Variants in TXNL1 observed in about 807,000 individuals in gnomAD.
TXNL1 encodes thioredoxin-like protein 1.
A neutral mutation model predicts 35.5 loss-of-function variants in TXNL1; 14 were observed. That is an observed-to-expected ratio of 0.39 (90% CI 0.26 to 0.62). The LOEUF is 0.62. Ranked by LOEUF, TXNL1 falls within the 20% of genes least tolerant of loss-of-function variation. TXNL1 has a pLI of 0.47. For synonymous variants in TXNL1, 110 were observed against 115.5 expected, an observed-to-expected ratio of 0.95 and a Z score of 0.31; for missense variants, 263 against 349.7, an observed-to-expected ratio of 0.75 and a Z score of 1.98.
intron 1 of TXNL1, among the ~76,000 whole-genome samples, chr18:56,631,229 G>C (rs921508564): frequency 1.2e-4 from 19 of 152,130 alleles, no homozygotes; most frequent in Non-Finnish European, 2.4e-4. Flanking sequence ...GAGCAGTTGA[G>C]AGTAAACAAA....
At chr18:56,633,386 G>A (rs1640720) in intron 1 of TXNL1, among the ~76,000 whole-genome samples, 14,453 of 147,292 alleles carry the variant, frequency 0.098, 825 homozygotes, top group Non-Finnish European at 0.13. Flanking sequence ...GGTGGAGCTT[G>A]CAGTGAGCTG....
Position 56,598,255 on chromosome 18 carries a change from G to A in TXNL1, c.*4772C>T, listed in dbSNP as rs2023767807. On this transcript the variant is annotated 3_prime_UTR_variant, in exon 8 of 8. Transcript: ENST00000217515. ...CCAAATAAACTGGCTTAATACTAGA[G>A]ACAAAATACTTGTATTACAGCTCAC... 1 of 152,028 alleles carries A rather than the reference G, an allele frequency of 6.6e-6. No homozygotes were observed. Among genetic ancestry groups the A allele is most frequent in the Non-Finnish European group, 1.5e-5 (1 of 68,012 alleles). The allele number at this position is 152,028 out of a possible 1,614,324, so 9.4% of individuals were successfully genotyped here. A position where few individuals can be genotyped will look rare whatever the true frequency, so the allele number is the denominator to read the frequency against.
At chr18:56,630,398 G>A (rs2024352436) in intron 1 of TXNL1, among the ~76,000 whole-genome samples, 1 of 152,182 alleles carries the variant, frequency 6.6e-6, no homozygotes, top group Non-Finnish European at 1.5e-5. Flanking sequence ...GGAAGGGACA[G>A]GAGAAAATGC....
In TXNL1 at chr18:56,602,880, G is replaced by A. The variant is rs77471888; in HGVS notation, c.*147C>T. ...AATTGCATGTGTCAAGATTACAATG[G>A]AAACACTAGTGATACCATCTGAACA... On this transcript the variant is annotated 3_prime_UTR_variant, in exon 8 of 8. Coordinates refer to ENST00000217515, the MANE Select transcript of TXNL1 (RefSeq NM_004786.3). The A allele has an allele frequency of 0.01, 8,954 of 865,722 alleles. 90 individuals are homozygous for A. Among genetic ancestry groups the A allele is most frequent in the South Asian group, 0.016 (1,015 of 64,096 alleles). The allele number at this position is 865,722 out of a possible 1,614,324, so 53.6% of individuals were successfully genotyped here.
At position 56,618,199 on chromosome 18, in the gene TXNL1, C is replaced by G; in HGVS notation, c.370-73G>C. 3 of 1,485,484 alleles carry G rather than the reference C, an allele frequency of 2.0e-6. No homozygotes were observed. The South Asian group carries it at 3.7e-5, about 18-fold the overall frequency. The allele number at this position is 1,485,484 out of a possible 1,614,324, so 92.0% of individuals were successfully genotyped here. Reference sequence around the variant, plus strand: ...AAAAATGTTTAAAAAATTTAAATCTCTGATTCTCTTTAGGCAATTTTAAAG... The same window carrying G: ...AAAAATGTTTAAAAAATTTAAATCTGTGATTCTCTTTAGGCAATTTTAAAG... On this transcript the variant is annotated intron_variant, in intron 3 of 7. Coordinates refer to ENST00000217515, the MANE Select transcript of TXNL1 (RefSeq NM_004786.3).
At chr18:56,624,858 G>T (rs189230340) in intron 2 of TXNL1, among the ~76,000 whole-genome samples, 49 of 152,238 alleles carry the variant, frequency 3.2e-4, no homozygotes, top group African/African-American at 1.1e-3. Flanking sequence ...AAAAGTGCAG[G>T]TCTGAAAACC....
intron 3 of TXNL1, among the ~76,000 whole-genome samples, chr18:56,618,875 G>T (rs999998604): frequency 6.6e-6 from 1 of 151,780 alleles, no homozygotes; most frequent in Non-Finnish European, 1.5e-5. Flanking sequence ...ATTGTTACAC[G>T]CAGAATAAAG....
At chr18:56,614,390 C>T (rs2024048290) in intron 6 of TXNL1, 34 bp downstream of exon 6, 1 of 1,572,684 alleles carries the variant, frequency 6.4e-7, no homozygotes, top group African/African-American at 1.4e-5. Flanking sequence ...TACTCACAAA[C>T]CTATTAAATA....
intron 1 of TXNL1, among the ~76,000 whole-genome samples, chr18:56,631,659 C>G (rs1266937048): frequency 6.6e-6 from 1 of 152,168 alleles, no homozygotes; most frequent in Non-Finnish European, 1.5e-5. Flanking sequence ...TGGCTCACGC[C>G]TGTAATCCCA....
chr18:56,609,446 A>G (rs951611287), intron 7 of TXNL1: 6 of 152,212 alleles, frequency 3.9e-5, no homozygotes, highest in African/African-American at 1.4e-4. Flanking sequence ...ATTCATGCAA[A>G]TTAGAGAAAC....
At chr18:56,608,713 T>A (rs776343200) in intron 7 of TXNL1, 2 of 152,152 alleles carry the variant, frequency 1.3e-5, no homozygotes, top group Non-Finnish European at 2.9e-5. Flanking sequence ...GAAGCAGATA[T>A]GAGAAGGAAA....
Position 56,602,896 on chromosome 18 carries a change from C to A in TXNL1, c.*131G>T. 1.0e-6 allele frequency: 1 copy of A among 978,452 alleles called. No individual in the cohort carries two copies. The highest frequency in any genetic ancestry group is 1.4e-5 in the South Asian group (1 of 71,490). The allele number at this position is 978,452 out of a possible 1,614,324, so 60.6% of individuals were successfully genotyped here. On this transcript the variant is annotated 3_prime_UTR_variant, in exon 8 of 8. Transcript: ENST00000217515. ...ATTACAATGGAAACACTAGTGATACCATCTGAACAAAAGCAATGATTTATT... is the reference window on the plus strand; with the variant it reads ...ATTACAATGGAAACACTAGTGATACAATCTGAACAAAAGCAATGATTTATT...
intron 7 of TXNL1, chr18:56,605,286 G>A (rs980097090): frequency 6.6e-6 from 1 of 152,168 alleles, no homozygotes; most frequent in Non-Finnish European, 1.5e-5. Flanking sequence ...GATGAGCAGA[G>A]AAGCAAGGAG....
chr18:56,605,395 AACAG>A (rs1381565212), intron 7 of TXNL1: 2 of 152,138 alleles, frequency 1.3e-5, no homozygotes, highest in African/African-American at 2.4e-5. Context: ...CTGAAAAATA[AACAG>A]ACAGAAATGT....
rs386387792 is a variant in TXNL1, at chr18:56,626,797, C to CTTTTTTTTTTTTTTTTTTTTT, written c.99-361_99-341dup. Reference sequence around the variant, plus strand: ...TACAGGCGTGAGCCACCAAGCCGGTCTTTTTTTTTTTTTTTTTTTTTTTTG... The same window carrying CTTTTTTTTTTTTTTTTTTTTT: ...TACAGGCGTGAGCCACCAAGCCGGTCTTTTTTTTTTTTTTTTTTTTTTTTTTTTTTTTTTTTTTTTTTTTTG... On this transcript the variant is annotated intron_variant, in intron 1 of 7. Transcript: ENST00000217515. Among the ~76,000 whole-genome samples, 7 of 55,010 alleles carry CTTTTTTTTTTTTTTTTTTTTT rather than the reference C, an allele frequency of 1.3e-4. 1 individual carries two copies. Among genetic ancestry groups the CTTTTTTTTTTTTTTTTTTTTT allele is most frequent in the African/African-American group, 4.8e-4 (7 of 14,702 alleles). The allele number at this position is 55,010 out of a possible 152,430, so 36.1% of individuals were successfully genotyped here.
At position 56,600,955 on chromosome 18, in the gene TXNL1, T is replaced by C. The variant is rs1374812583; in HGVS notation, c.*2072A>G. On this transcript the variant is annotated 3_prime_UTR_variant, in exon 8 of 8. Coordinates refer to ENST00000217515, the MANE Select transcript of TXNL1 (RefSeq NM_004786.3). ...GTATCAAAATACAGAGATCATGAAA[T>C]TCTTTTTTGCTATGTCCGACAAAAT... is the stretch of plus-strand genomic sequence containing the variant. The C allele has an allele frequency of 2.6e-5, 4 of 152,192 alleles. No homozygotes were observed. The highest frequency in any genetic ancestry group is 5.9e-5 in the Non-Finnish European group (4 of 68,026). The allele number at this position is 152,192 out of a possible 1,614,324, so 9.4% of individuals were successfully genotyped here. A position where few individuals can be genotyped will look rare whatever the true frequency, so the allele number is the denominator to read the frequency against.
rs999290300 is a variant in TXNL1, at chr18:56,602,526, T to C, written c.*501A>G. Reference sequence around the variant, plus strand: ...GAGTAGCTAAATCTCATTAAACCTGTTTATTTCTTCTAATTTATAATTTGA... The same window carrying C: ...GAGTAGCTAAATCTCATTAAACCTGCTTATTTCTTCTAATTTATAATTTGA... On this transcript the variant is annotated 3_prime_UTR_variant, in exon 8 of 8. Coordinates refer to ENST00000217515, the MANE Select transcript of TXNL1 (RefSeq NM_004786.3). The C allele has an allele frequency of 2.6e-5, 4 of 154,894 alleles. No individual in the cohort carries two copies. The highest frequency in any genetic ancestry group is 9.6e-5 in the African/African-American group (4 of 41,464). 9.6% of individuals were successfully genotyped at this position (154,894 alleles called of 1,614,324 possible).
rs373852846 is a variant in TXNL1, at chr18:56,613,797, C to G, written c.735+627G>C. ...CTGTACTCCAGCCTGGACAACAAAG[C>G]AAGAACCTGCCTCAAAGGAAGAAAA... On this transcript the variant is annotated intron_variant, in intron 6 of 7. Coordinates refer to ENST00000217515, the MANE Select transcript of TXNL1 (RefSeq NM_004786.3). 4.6e-5 allele frequency among the ~76,000 whole-genome samples: 7 copies of G among 152,228 alleles called. No individual in the cohort carries two copies. In the East Asian group the frequency reaches 7.7e-4, roughly 17 times the overall value.
At chr18:56,617,862 CA>C in intron 4 of TXNL1, 141 bp downstream of exon 4, 3 of 1,172,312 alleles carry the variant, frequency 2.6e-6, no homozygotes, top group Non-Finnish European at 2.4e-6. Flanking sequence ...AAACAAAAGT[CA>C]AAGAAACTAA....
Sources: allele counts gnomAD v4.1 joint callset (sites outside exome capture counted in the v4.1 genomes callset), GRCh38; gene constraint gnomAD v4.1.1; transcripts MANE v1.5; gene names NCBI Gene and HGNC (gene_info 2026-07-23, HGNC 2026-07-21).